Variants in MLIP observed in about 807,000 individuals in gnomAD.
MLIP encodes muscular LMNA-interacting protein.
Under a neutral mutation model 84.8 loss-of-function variants are expected in MLIP, and 79 were observed. The ratio of observed to expected loss-of-function variants is 0.93; its 90% confidence interval spans 0.78 to 1.12. MLIP has a LOEUF of 1.12. Among genes scored for constraint, MLIP ranks in the 50% most tolerant of loss-of-function variants. The pLI is 0.00. For missense variants in MLIP, 1,257 were observed against 1,160.6 expected (o/e 1.08, Z -1.21); for synonymous variants, 504 against 463.0 (o/e 1.09, Z -1.14).
intron 10 of MLIP, among the ~76,000 whole-genome samples, chr6:54,190,364 G>A (rs111467180): frequency 9.9e-5 from 15 of 152,262 alleles, no homozygotes; most frequent in African/African-American, 3.1e-4. Context: ...CAAACACAAC[G>A]TGAATGACAA....
intron 13 of MLIP, among the ~76,000 whole-genome samples, chr6:54,262,906 A>C (rs933100917): frequency 1.1e-4 from 16 of 152,104 alleles, no homozygotes; most frequent in Admixed American, 8.5e-4. Context: ...AATTAAAATC[A>C]GAGAGAGTCT....
chr6:54,228,995 C>A (rs1388993439), intron 11 of MLIP, among the ~76,000 whole-genome samples: 1 of 152,188 alleles, frequency 6.6e-6, no homozygotes, highest in Non-Finnish European at 1.5e-5. Flanking sequence ...ACAAGTACTG[C>A]ATATGTTCCA....
At chr6:54,241,431 G>T (rs75225798) in intron 12 of MLIP, among the ~76,000 whole-genome samples, 2,581 of 151,940 alleles carry the variant, frequency 0.017, 65 homozygotes, top group African/African-American at 0.058. Context: ...CCATGTGCTT[G>T]TAATGTTTAC....
intron 11 of MLIP, among the ~76,000 whole-genome samples, chr6:54,219,099 G>A (rs973978852): frequency 6.6e-6 from 1 of 151,780 alleles, no homozygotes; most frequent in African/African-American, 2.4e-5. Flanking sequence ...CCAGCTACTC[G>A]GGAGGCTGAG....
At chr6:54,150,130 T>G (rs1773286785) in intron 5 of MLIP, among the ~76,000 whole-genome samples, 2 of 152,148 alleles carry the variant, frequency 1.3e-5, no homozygotes, top group Non-Finnish European at 2.9e-5. Flanking sequence ...GTAAAACCTT[T>G]GTATGATCTC....
chr6:54,083,541 G>A (rs764133418), intron 1 of MLIP: 20 of 1,535,738 alleles, frequency 1.3e-5, no homozygotes, highest in Middle Eastern at 1.7e-4. Context: ...TACAACCACT[G>A]CTTTCTTGAC....
intron 10 of MLIP, among the ~76,000 whole-genome samples, chr6:54,201,205 A>G (rs1484613539): frequency 6.6e-6 from 1 of 152,200 alleles, no homozygotes; most frequent in East Asian, 1.9e-4. Context: ...CACTGGGTAC[A>G]AGCTTAAGAA....
chr6:54,090,028 C>T (rs1767758674), intron 1 of MLIP, among the ~76,000 whole-genome samples: 1 of 152,110 alleles, frequency 6.6e-6, no homozygotes, highest in East Asian at 1.9e-4. Context: ...TTGGAAGTGT[C>T]ATTCTTAGTG....
Position 54,093,329 on chromosome 6 carries a change from A to T in MLIP, c.64-28118A>T, listed in dbSNP as rs868636815. ...GTGCTTATTAATATATTTTCGATTAAATTCTATTCTATTCTATTCTATTCT... is the reference window on the plus strand; with the variant it reads ...GTGCTTATTAATATATTTTCGATTATATTCTATTCTATTCTATTCTATTCT... On this transcript the variant is annotated intron_variant, in intron 1 of 12. Transcript: ENST00000274897. Among the ~76,000 whole-genome samples the T allele has an allele frequency of 7.5e-5, 10 of 134,078 alleles. No individual in the cohort carries two copies. The South Asian group carries it at 2.4e-3, about 32-fold the overall frequency. The allele number at this position is 134,078 out of a possible 152,430, so 88.0% of individuals were successfully genotyped here.
intron 11 of MLIP, among the ~76,000 whole-genome samples, chr6:54,229,864 T>C (rs1780859515): frequency 6.6e-6 from 1 of 152,200 alleles, no homozygotes. Flanking sequence ...GTAAGATACA[T>C]ATTTGTATTT....
intron 12 of MLIP, among the ~76,000 whole-genome samples, chr6:54,249,732 C>CATATATAT (rs761644366): frequency 2.1e-5 from 3 of 139,676 alleles, no homozygotes; most frequent in African/African-American, 6.0e-5. Context: ...CACACACACA[C>CATATATAT]ACATATATAT....
chr6:54,223,370 G>T (rs894538377), intron 11 of MLIP, among the ~76,000 whole-genome samples: 14 of 151,738 alleles, frequency 9.2e-5, no homozygotes, highest in Non-Finnish European at 1.8e-4. Context: ...GCTTCTAGTA[G>T]TTATACAGTT....
intron 1 of MLIP, chr6:54,047,374 A>C (rs1327724062): frequency 6.6e-6 from 1 of 152,232 alleles, no homozygotes; most frequent in African/African-American, 2.4e-5. Context: ...GCAGGCACTT[A>C]GACTGAGCTT....
intron 12 of MLIP, among the ~76,000 whole-genome samples, chr6:54,234,454 T>C (rs1407977990): frequency 2.0e-5 from 3 of 152,178 alleles, no homozygotes; most frequent in Non-Finnish European, 2.9e-5. Flanking sequence ...TTCTTCTCCA[T>C]TGGATTCCTC....
chr6:54,019,220 A>C, intron 1 of MLIP: 1 of 870,936 alleles, frequency 1.1e-6, no homozygotes, highest in South Asian at 1.6e-5. Context: ...ATAACTTTAA[A>C]ATTAATGAGT....
intron 1 of MLIP, among the ~76,000 whole-genome samples, chr6:54,053,350 T>C (rs1225363568): frequency 1.3e-5 from 2 of 152,248 alleles, no homozygotes; most frequent in Admixed American, 6.5e-5. Context: ...TTTTTCTACC[T>C]TTAAACTTCA....
At chr6:54,179,841 T>TTACAGTGTTA (rs1273943211) in intron 9 of MLIP, among the ~76,000 whole-genome samples, 1 of 152,188 alleles carries the variant, frequency 6.6e-6, no homozygotes, top group Non-Finnish European at 1.5e-5. Flanking sequence ...CATACCACAA[T>TTACAGTGTTA]TACAGTGTTA....
intron 5 of MLIP, among the ~76,000 whole-genome samples, chr6:54,155,171 T>C (rs1176834235): frequency 6.6e-6 from 1 of 152,174 alleles, no homozygotes; most frequent in Non-Finnish European, 1.5e-5. Flanking sequence ...CCCTACTTTA[T>C]ATACCTGCAA....
chr6:54,086,182 G>A (rs1341076726), intron 1 of MLIP, among the ~76,000 whole-genome samples: 2 of 152,100 alleles, frequency 1.3e-5, no homozygotes, highest in African/African-American at 4.8e-5. Flanking sequence ...TAGGTAATAC[G>A]ATTCAATCTC....
Sources: gnomAD v4.1 joint callset for allele counts (sites outside exome capture counted in the v4.1 genomes callset) on GRCh38, gnomAD v4.1.1 for gene constraint, MANE v1.5 for transcripts, NCBI Gene and HGNC (gene_info 2026-07-23, HGNC 2026-07-21) for gene names.